SIPA1L1: variants seen among roughly 807,000 people sequenced by gnomAD.
SIPA1L1 encodes the protein signal-induced proliferation-associated 1-like protein 1.
A neutral mutation model predicts 162.7 loss-of-function variants in SIPA1L1; 26 were observed. The ratio of observed to expected loss-of-function variants is 0.16; its 90% CI spans 0.12 to 0.22. The LOEUF (loss-of-function observed/expected upper bound fraction) is 0.22, where lower values mean the gene tolerates loss of function less well. SIPA1L1 is among the 10% of genes least tolerant of loss of function. The pLI, the probability that SIPA1L1 is intolerant of heterozygous loss-of-function variation, is 1.00. For missense variants in SIPA1L1, 1,874 were observed against 2,241.0 expected, an observed-to-expected ratio of 0.84 and a Z score of 3.31; for synonymous variants, 829 against 837.4, an observed-to-expected ratio of 0.99 and a Z score of 0.17.
At chr14:71,340,554 C>G (rs188124965) in intron 2 of SIPA1L1, among the ~76,000 whole-genome samples, 1 of 152,246 alleles carries the variant, frequency 6.6e-6, no homozygotes, top group Non-Finnish European at 1.5e-5. Flanking sequence ...AGTTGCTTCC[C>G]TAGCTTTCCG....
chr14:71,608,689 G>T (rs2037821709), intron 5 of SIPA1L1, among the ~76,000 whole-genome samples: 1 of 152,106 alleles, frequency 6.6e-6, no homozygotes, highest in South Asian at 2.1e-4. Context: ...GAGGTCAGGG[G>T]TTCGAGACCA....
In SIPA1L1 at chr14:71,589,369, G is replaced by A. The variant is rs769818483; in HGVS notation, c.1497G>A (p.Lys499=). ...AYYYRKFFYQ[K]EHWNYFGADE... ...ATTATAGAAAATTTTTCTACCAGAA[G>A]GGTAAGTAGAGATCCTTTATTTCTT... The change falls in exon 5 of 24, where the codon AAG becomes AAA. Residue 499 remains lysine (K), a splice_region_variant and synonymous_variant. Transcript: ENST00000381232. The A allele has an allele frequency of 1.9e-6, 3 of 1,589,334 alleles. No individual in the cohort carries two copies. Among genetic ancestry groups the A allele is most frequent in the East Asian group, 2.3e-5 (1 of 44,410 alleles).
chr14:71,442,230 C>G (rs2044947219), intron 2 of SIPA1L1, among the ~76,000 whole-genome samples: 1 of 142,306 alleles, frequency 7.0e-6, no homozygotes, highest in Non-Finnish European at 1.5e-5. Context: ...ATCTTGCGGG[C>G]TAATTAAAAA....
chr14:71,387,081 T>A (rs1035074100), intron 2 of SIPA1L1, among the ~76,000 whole-genome samples: 1 of 151,738 alleles, frequency 6.6e-6, no homozygotes, highest in Admixed American at 6.6e-5. Flanking sequence ...AAACCCTGTC[T>A]CTATTAAAAT....
At chr14:71,444,492 G>A (rs558332470) in intron 2 of SIPA1L1, among the ~76,000 whole-genome samples, 2 of 152,196 alleles carry the variant, frequency 1.3e-5, no homozygotes, top group African/African-American at 4.8e-5. Flanking sequence ...CTCAGAATAG[G>A]GAATGAATAT....
At chr14:71,384,791 T>C (rs1054492917) in intron 2 of SIPA1L1, among the ~76,000 whole-genome samples, 2 of 152,244 alleles carry the variant, frequency 1.3e-5, no homozygotes, top group Non-Finnish European at 2.9e-5. Context: ...CACATTTAAC[T>C]GGCATGTCTT....
intron 2 of SIPA1L1, among the ~76,000 whole-genome samples, chr14:71,414,825 A>G (rs1220668988): frequency 6.6e-6 from 1 of 152,226 alleles, no homozygotes; most frequent in Non-Finnish European, 1.5e-5. Flanking sequence ...TGGTATATGC[A>G]TTACTATTGC....
intron 4 of SIPA1L1, among the ~76,000 whole-genome samples, chr14:71,540,046 A>G (rs1013462799): frequency 1.3e-5 from 2 of 152,244 alleles, no homozygotes; most frequent in African/African-American, 4.8e-5. Flanking sequence ...ACTCCTCATC[A>G]GAAATGCTCT....
At chr14:71,696,980 T>C (rs1025489927) in intron 13 of SIPA1L1, among the ~76,000 whole-genome samples, 2 of 152,140 alleles carry the variant, frequency 1.3e-5, no homozygotes, top group African/African-American at 2.4e-5. Flanking sequence ...ACCTTGACTT[T>C]CTCTAGAATG....
chr14:71,334,255 A>AT (rs1431601425), intron 2 of SIPA1L1, among the ~76,000 whole-genome samples: 1 of 152,068 alleles, frequency 6.6e-6, no homozygotes, highest in Non-Finnish European at 1.5e-5. Context: ...AATGAGAAAA[A>AT]AAAAGTTAAA....
At chr14:71,527,278 G>T (rs2052976221) in intron 3 of SIPA1L1, among the ~76,000 whole-genome samples, 1 of 152,080 alleles carries the variant, frequency 6.6e-6, no homozygotes, top group Non-Finnish European at 1.5e-5. Context: ...CTCCCAAATA[G>T]CTGGGACTAT....
At chr14:71,715,264 A>G (rs2083182185) in intron 17 of SIPA1L1, among the ~76,000 whole-genome samples, 1 of 152,240 alleles carries the variant, frequency 6.6e-6, no homozygotes, top group Non-Finnish European at 1.5e-5. Context: ...GCCTGTGGCC[A>G]GTTGTACCAT....
chr14:71,408,159 C>A (rs1201784870), intron 2 of SIPA1L1, among the ~76,000 whole-genome samples: 12 of 151,948 alleles, frequency 7.9e-5, no homozygotes, highest in Non-Finnish European at 5.9e-5. Flanking sequence ...TTTTTTGCTT[C>A]TGTTATCTTT....
chr14:71,588,815 G>C lies in SIPA1L1; in HGVS notation c.943G>C (p.Asp315His), dbSNP rs776135318. The C allele has an allele frequency of 3.1e-6, 5 of 1,614,134 alleles. No individual in the cohort carries two copies. Among genetic ancestry groups the C allele is most frequent in the Non-Finnish European group, 4.2e-6 (5 of 1,179,994 alleles). Residue 315 changes from aspartate to histidine, a missense_variant, in exon 5 of 24, where the codon GAT (aspartate) becomes CAT (histidine). Physicochemically the swap from Asp to His is moderately conservative, Grantham distance 81. Coordinates refer to ENST00000381232, the MANE Select transcript of SIPA1L1 (RefSeq NM_001386936.1). The surrounding 1 kb of genome is among the most constrained non-coding windows in gnomAD (Gnocchi z 4.3). ...ACTTGGGAAGTCATCAGATCTTGAAGATAACCGATCAGAAGACTCTGTCAG... is the reference window on the plus strand; with the variant it reads ...ACTTGGGAAGTCATCAGATCTTGAACATAACCGATCAGAAGACTCTGTCAG... ...EELGKSSDLE[D>H]NRSEDSVRPW...
At chr14:71,326,715 CTTTTTTT>C (rs34173331) in intron 2 of SIPA1L1, among the ~76,000 whole-genome samples, 37 of 107,432 alleles carry the variant, frequency 3.4e-4, no homozygotes, top group African/African-American at 1.3e-3. Flanking sequence ...ATGTAATTTG[CTTTTTTT>C]TTTTTTTTTT....
intron 4 of SIPA1L1, among the ~76,000 whole-genome samples, chr14:71,577,270 G>A (rs1401185179): frequency 6.6e-6 from 1 of 152,064 alleles, no homozygotes; most frequent in Non-Finnish European, 1.5e-5. Flanking sequence ...TGGTACACAG[G>A]CTATAAGGGA....
At chr14:71,642,511 A>G (rs1043870229) in intron 7 of SIPA1L1, among the ~76,000 whole-genome samples, 2 of 152,204 alleles carry the variant, frequency 1.3e-5, no homozygotes, top group African/African-American at 4.8e-5. Flanking sequence ...CCTTAGACTA[A>G]ACACTGCTGT....
chr14:71,578,117 G>T (rs2147212634), intron 4 of SIPA1L1, among the ~76,000 whole-genome samples: 1 of 152,182 alleles, frequency 6.6e-6, no homozygotes, highest in Admixed American at 6.5e-5. Flanking sequence ...CACCATGTGG[G>T]CCAGGCTGAT....
intron 10 of SIPA1L1, among the ~76,000 whole-genome samples, chr14:71,663,130 A>G (rs555449746): frequency 6.6e-6 from 1 of 152,206 alleles, no homozygotes; most frequent in Non-Finnish European, 1.5e-5. Flanking sequence ...AGATTTTTTT[A>G]AAAAGTGCCA....
Sources: gnomAD v4.1 joint callset for allele counts (sites outside exome capture counted in the v4.1 genomes callset) on GRCh38, gnomAD v4.1.1 for gene constraint, Gnocchi (gnomAD v3.1) non-coding constraint, MANE v1.5 for transcripts, NCBI Gene and HGNC (gene_info 2026-07-23, HGNC 2026-07-21) for gene names.